CLSTN2: variants seen among roughly 807,000 people sequenced by gnomAD.
CLSTN2 encodes calsyntenin-2.
Under a neutral mutation model 101.2 loss-of-function variants are expected in CLSTN2, and 48 were observed. The ratio of observed to expected loss-of-function variants is 0.47; its 90% CI spans 0.38 to 0.60. The LOEUF (loss-of-function observed/expected upper bound fraction) is 0.60. CLSTN2 is among the 20% of genes least tolerant of loss of function. The pLI, the probability that CLSTN2 is intolerant of heterozygous loss-of-function variation, is 0.00. For synonymous variants in CLSTN2, 481 were observed against 463.6 expected, an observed-to-expected ratio of 1.04 and a Z score of -0.48; for missense variants, 1,160 against 1,238.2, an observed-to-expected ratio of 0.94 and a Z score of 0.95.
chr3:140,321,861 C>A (rs2087286276), intron 2 of CLSTN2, among the ~76,000 whole-genome samples: 1 of 152,218 alleles, frequency 6.6e-6, no homozygotes, highest in Non-Finnish European at 1.5e-5. Flanking sequence ...CATCTCTGTT[C>A]CAGCTTCCTT....
intron 12 of CLSTN2, among the ~76,000 whole-genome samples, chr3:140,559,341 G>A (rs1935865380): frequency 6.6e-6 from 1 of 151,968 alleles, no homozygotes; most frequent in African/African-American, 2.4e-5. Flanking sequence ...AAAAGCTAAA[G>A]ATATATAAAG....
chr3:140,470,359 G>C (rs1205432413), intron 8 of CLSTN2, among the ~76,000 whole-genome samples: 1 of 152,248 alleles, frequency 6.6e-6, no homozygotes, highest in Non-Finnish European at 1.5e-5. Context: ...GTCTGTGGAA[G>C]CCCATGCAGG....
intron 2 of CLSTN2, among the ~76,000 whole-genome samples, chr3:140,384,110 GA>G (rs144665738): frequency 0.01 from 1,576 of 152,172 alleles, 22 homozygotes; most frequent in African/African-American, 0.035. Context: ...GTTGCCAACA[GA>G]AAAAAATAAA....
intron 2 of CLSTN2, among the ~76,000 whole-genome samples, chr3:140,379,918 C>T (rs539199632): frequency 4.6e-5 from 7 of 152,086 alleles, no homozygotes; most frequent in Non-Finnish European, 7.4e-5. Context: ...CTACCAATTG[C>T]CTCCAAAAAA....
At chr3:140,157,944 T>A (rs2009982513) in intron 1 of CLSTN2, among the ~76,000 whole-genome samples, 1 of 152,132 alleles carries the variant, frequency 6.6e-6, no homozygotes, top group Admixed American at 6.5e-5. Context: ...CAGAAAAAGC[T>A]TTCAATAAAA....
chr3:140,315,444 T>A (rs1427705207), intron 2 of CLSTN2, among the ~76,000 whole-genome samples: 1 of 152,154 alleles, frequency 6.6e-6, no homozygotes, highest in Non-Finnish European at 1.5e-5. Context: ...CACAGACCAA[T>A]CCATGTTAAT....
At chr3:140,255,747 C>G (rs2086598832) in intron 2 of CLSTN2, among the ~76,000 whole-genome samples, 1 of 152,060 alleles carries the variant, frequency 6.6e-6, no homozygotes. Flanking sequence ...CACATATACC[C>G]CTTGAACCTA....
At chr3:140,126,789 A>C (rs2009440653) in intron 1 of CLSTN2, among the ~76,000 whole-genome samples, 1 of 152,124 alleles carries the variant, frequency 6.6e-6, no homozygotes, top group African/African-American at 2.4e-5. Flanking sequence ...TGAGAGCCTG[A>C]ATTGTGCCAG....
At chr3:140,542,895 GCAC>G (rs1332892712) in intron 9 of CLSTN2, among the ~76,000 whole-genome samples, 1 of 152,126 alleles carries the variant, frequency 6.6e-6, no homozygotes, top group Admixed American at 6.5e-5. Context: ...TGGTTGCCTG[GCAC>G]CACCAGGAAA....
chr3:140,408,549 C>T (rs2088330195), intron 4 of CLSTN2, among the ~76,000 whole-genome samples: 1 of 152,214 alleles, frequency 6.6e-6, no homozygotes, highest in Non-Finnish European at 1.5e-5. Context: ...CGGAACTCAG[C>T]AGCTTCTGCC....
At chr3:140,335,463 A>T (rs1026540759) in intron 2 of CLSTN2, among the ~76,000 whole-genome samples, 15 of 151,734 alleles carry the variant, frequency 9.9e-5, no homozygotes, top group Non-Finnish European at 1.6e-4. Flanking sequence ...GGCCAAAAAA[A>T]AAAAAGCCCC....
At chr3:140,463,321 C>G (rs1446082854) in intron 7 of CLSTN2, among the ~76,000 whole-genome samples, 1 of 152,208 alleles carries the variant, frequency 6.6e-6, no homozygotes, top group Non-Finnish European at 1.5e-5. Flanking sequence ...CACTTCCCTA[C>G]AGGGCTTTCT....
At chr3:140,514,592 C>T (rs578099552) in intron 8 of CLSTN2, among the ~76,000 whole-genome samples, 44 of 152,212 alleles carry the variant, frequency 2.9e-4, no homozygotes, top group African/African-American at 8.4e-4. Flanking sequence ...CATTAACATG[C>T]GTGTCAAGTA....
At chr3:140,145,512 T>A (rs2009768018) in intron 1 of CLSTN2, among the ~76,000 whole-genome samples, 2 of 152,240 alleles carry the variant, frequency 1.3e-5, no homozygotes, top group South Asian at 2.1e-4. Context: ...GCTGAATCAT[T>A]GGAATAAGAA....
At chr3:140,558,497 A>C (rs778059853) in intron 11 of CLSTN2, 143 bp from the exon 12 acceptor site, 10 of 600,148 alleles carry the variant, frequency 1.7e-5, no homozygotes, top group Non-Finnish European at 2.6e-5. Context: ...TTTAAATTTG[A>C]ATGTCTGTTG....
At chr3:140,151,819 A>G (rs1015885806) in intron 1 of CLSTN2, among the ~76,000 whole-genome samples, 1 of 152,226 alleles carries the variant, frequency 6.6e-6, no homozygotes, top group African/African-American at 2.4e-5. Flanking sequence ...GTCCCAAGAC[A>G]ATCATGGGGA....
At chr3:140,486,028 C>T (rs1365202106) in intron 8 of CLSTN2, among the ~76,000 whole-genome samples, 3 of 151,734 alleles carry the variant, frequency 2.0e-5, no homozygotes, top group Non-Finnish European at 2.9e-5. Flanking sequence ...CACCCATCTT[C>T]TGCATTGCTC....
At chr3:140,396,799 C>T (rs1979421) in intron 2 of CLSTN2, among the ~76,000 whole-genome samples, 114,029 of 152,134 alleles carry the variant, frequency 0.75, 43,057 homozygotes, top group Admixed American at 0.8. Context: ...CGCTCTGAGG[C>T]TGGGAGCACT....
At chr3:140,145,386 A>G (rs926138936) in intron 1 of CLSTN2, among the ~76,000 whole-genome samples, 1 of 152,370 alleles carries the variant, frequency 6.6e-6, no homozygotes, top group South Asian at 2.1e-4. Flanking sequence ...GGGGAAATGA[A>G]TGACACAGGT....
Sources: gnomAD v4.1 joint callset for allele counts (sites outside exome capture counted in the v4.1 genomes callset) on GRCh38, gnomAD v4.1.1 for gene constraint, MANE v1.5 for transcripts, NCBI Gene and HGNC (gene_info 2026-07-23, HGNC 2026-07-21) for gene names.